SNX29: variants seen among roughly 807,000 people sequenced by gnomAD.
SNX29 encodes sorting nexin 29, also known as sorting nexin-29.
Under a neutral mutation model 102.1 loss-of-function variants are expected in SNX29, and 78 were observed. That is an observed-to-expected ratio of 0.76 (90% CI 0.64 to 0.92). The LOEUF is 0.92. Among genes scored for constraint, SNX29 ranks in the 40% least tolerant of loss-of-function variants. The pLI, the probability that SNX29 is intolerant of heterozygous loss-of-function variation, is 0.00. For missense variants in SNX29, 1,280 were observed against 1,061.7 expected, an observed-to-expected ratio of 1.21 and a Z score of -2.86; for synonymous variants, 580 against 414.5, an observed-to-expected ratio of 1.40 and a Z score of -4.85.
chr16:12,414,668 G>T (rs1250748938), intron 18 of SNX29, among the ~76,000 whole-genome samples: 2 of 152,140 alleles, frequency 1.3e-5, no homozygotes, highest in Admixed American at 6.5e-5. Context: ...ACATTTTCCT[G>T]CCTGGCCGTT....
chr16:11,977,156 A>T (rs1042626886), intron 1 of SNX29: 8 of 289,490 alleles, frequency 2.8e-5, no homozygotes, highest in African/African-American at 4.5e-5. Context: ...GTCTCTCCTA[A>T]CTCCTAGACC....
chr16:12,413,921 T>G (rs186072701), intron 18 of SNX29, among the ~76,000 whole-genome samples: 4 of 152,210 alleles, frequency 2.6e-5, no homozygotes, highest in Non-Finnish European at 5.9e-5. Context: ...GGACCCCCCA[T>G]GGACACCCAA....
At chr16:12,508,633 G>A (rs562485719) in intron 19 of SNX29, among the ~76,000 whole-genome samples, 22 of 152,354 alleles carry the variant, frequency 1.4e-4, no homozygotes, top group African/African-American at 4.6e-4. Context: ...CCGCCAGAGC[G>A]TCCCTCCCGC....
chr16:12,532,327 C>T (rs561503814), intron 20 of SNX29, among the ~76,000 whole-genome samples: 122 of 152,292 alleles, frequency 8.0e-4, no homozygotes, highest in African/African-American at 2.9e-3. Context: ...GCGTCATGAG[C>T]CTTGCTAGCA....
At chr16:12,539,417 G>T (rs921989021) in intron 20 of SNX29, among the ~76,000 whole-genome samples, 1 of 152,168 alleles carries the variant, frequency 6.6e-6, no homozygotes, top group Non-Finnish European at 1.5e-5. Flanking sequence ...AAGTCGTTGG[G>T]TGAGTCAGCA....
intron 14 of SNX29, among the ~76,000 whole-genome samples, chr16:12,264,397 T>A (rs1393940489): frequency 1.3e-5 from 2 of 152,238 alleles, no homozygotes; most frequent in Admixed American, 1.3e-4. Context: ...ACCCAGGCCT[T>A]ACAAACAACA....
At chr16:12,047,694 G>A (rs560519491) in intron 6 of SNX29, among the ~76,000 whole-genome samples, 28 of 140,170 alleles carry the variant, frequency 2.0e-4, no homozygotes, top group Admixed American at 3.2e-4. Context: ...TTTCACTCTC[G>A]TTGCCCAGGC....
At chr16:12,258,542 C>G (rs1203771221) in intron 14 of SNX29, among the ~76,000 whole-genome samples, 1 of 152,142 alleles carries the variant, frequency 6.6e-6, no homozygotes, top group Non-Finnish European at 1.5e-5. Flanking sequence ...TACTTATCTG[C>G]TCATTTGCTG....
chr16:12,161,421 CTCG>C (rs1038073635), intron 13 of SNX29, among the ~76,000 whole-genome samples: 6 of 152,190 alleles, frequency 3.9e-5, no homozygotes, highest in African/African-American at 1.2e-4. Context: ...CAGTTACTCT[CTCG>C]TCTTCCTCTC....
rs368179250 is a variant in SNX29, at chr16:12,251,232, C to G, written c.1679-26701C>G. Among the ~76,000 whole-genome samples, 38 of 152,324 alleles carry G rather than the reference C, an allele frequency of 2.5e-4. No homozygotes were observed. In the East Asian group the frequency reaches 3.3e-3, roughly 13 times the overall value. On this transcript the variant is annotated intron_variant, in intron 14 of 20. Coordinates refer to ENST00000566228, the MANE Select transcript of SNX29 (RefSeq NM_032167.5). Reference sequence around the variant, plus strand: ...AAGTGGACGTGATAATAGCTCCTGCCTCAGAAGAGCTTTTCTCAGCTTTAA... The same window carrying G: ...AAGTGGACGTGATAATAGCTCCTGCGTCAGAAGAGCTTTTCTCAGCTTTAA...
intron 18 of SNX29, among the ~76,000 whole-genome samples, chr16:12,444,737 T>C (rs893330132): frequency 6.6e-6 from 1 of 152,114 alleles, no homozygotes. Flanking sequence ...CCCCACCCCA[T>C]TTACAGGTCA....
chr16:12,560,634 C>CT (rs1395848024), intron 20 of SNX29: 1 of 154,052 alleles, frequency 6.5e-6, no homozygotes, highest in Non-Finnish European at 1.4e-5. Flanking sequence ...ACATCCCCAC[C>CT]TTGTGCCACC....
At chr16:12,324,139 C>G (rs889995390) in intron 15 of SNX29, among the ~76,000 whole-genome samples, 3 of 151,936 alleles carry the variant, frequency 2.0e-5, no homozygotes, top group Non-Finnish European at 2.9e-5. Context: ...AGACTGGGAC[C>G]TGTTCTAGGC....
At chr16:12,057,888 G>T (rs972194497) in intron 8 of SNX29, among the ~76,000 whole-genome samples, 19 of 151,178 alleles carry the variant, frequency 1.3e-4, no homozygotes. Flanking sequence ...CACAATCTTG[G>T]CTCACTGCAA....
At position 12,571,918 on chromosome 16, in the gene SNX29, G is replaced by A; in HGVS notation, c.*3289G>A. On this transcript the variant is annotated 3_prime_UTR_variant, in exon 21 of 21. Transcript: ENST00000566228. ...GCCCCCTGCATTTCTCTACTGGCAG[G>A]CCCTGGTGAAGGAAGACACTTTCAG... 9.4e-7 allele frequency: 1 copy of A among 1,062,130 alleles called. No individual in the cohort carries two copies. The highest frequency in any genetic ancestry group is 1.1e-6 in the Non-Finnish European group (1 of 877,302). The allele number at this position is 1,062,130 out of a possible 1,614,324, so 65.8% of individuals were successfully genotyped here.
intron 11 of SNX29, among the ~76,000 whole-genome samples, chr16:12,097,795 A>T (rs193291502): frequency 6.6e-6 from 1 of 152,280 alleles, no homozygotes; most frequent in East Asian, 1.9e-4. Flanking sequence ...CGCTCAGGGG[A>T]TGAGACGCGG....
At chr16:12,248,259 C>T (rs2078317706) in intron 14 of SNX29, among the ~76,000 whole-genome samples, 1 of 152,210 alleles carries the variant, frequency 6.6e-6, no homozygotes, top group Non-Finnish European at 1.5e-5. Flanking sequence ...CTTCCTCCTC[C>T]CTCAGACATG....
chr16:12,005,444 G>A (rs539164274), intron 3 of SNX29, among the ~76,000 whole-genome samples: 1 of 152,142 alleles, frequency 6.6e-6, no homozygotes, highest in Non-Finnish European at 1.5e-5. Context: ...GGACTCCCAG[G>A]TGATTCTGCT....
chr16:12,504,343 A>G (rs1238670711), intron 19 of SNX29, among the ~76,000 whole-genome samples: 1 of 152,034 alleles, frequency 6.6e-6, no homozygotes, highest in Non-Finnish European at 1.5e-5. Flanking sequence ...ACTAGGAGCA[A>G]TTTTAGAATG....
Sources: gnomAD v4.1 joint callset for allele counts (sites outside exome capture counted in the v4.1 genomes callset) on GRCh38, gnomAD v4.1.1 for gene constraint, MANE v1.5 for transcripts, NCBI Gene and HGNC (gene_info 2026-07-23, HGNC 2026-07-21) for gene names.